Variants in KCNIP4 observed in about 807,000 individuals in gnomAD.
KCNIP4 encodes the protein potassium voltage-gated channel interacting protein 4, also known as Kv channel-interacting protein 4.
Under a neutral mutation model 34.0 loss-of-function variants are expected in KCNIP4, and 12 were observed. The observed-to-expected ratio is 0.35, with a 90% CI of 0.23 to 0.57. The LOEUF is 0.57. Among genes scored for constraint, KCNIP4 ranks in the 20% least tolerant of loss-of-function variants. The pLI is 0.83. For synonymous variants in KCNIP4, 124 were observed against 102.2 expected, an observed-to-expected ratio of 1.21 and a Z score of -1.29; for missense variants, 238 against 311.7, an observed-to-expected ratio of 0.76 and a Z score of 1.78.
intron 1 of KCNIP4, among the ~76,000 whole-genome samples, chr4:21,109,694 G>GTC (rs1560730461): frequency 8.6e-5 from 13 of 151,320 alleles, no homozygotes; most frequent in East Asian, 2.0e-4. Flanking sequence ...TCTTCTGCAT[G>GTC]ACTCACGCTG....
chr4:20,976,437 T>C (rs184401867), intron 1 of KCNIP4, among the ~76,000 whole-genome samples: 29 of 152,336 alleles, frequency 1.9e-4, no homozygotes, highest in Admixed American at 1.1e-3. Context: ...GAGCTAGATA[T>C]TCCACTTATA....
intron 5 of KCNIP4, among the ~76,000 whole-genome samples, chr4:20,748,800 T>G (rs141528787): frequency 1.0e-3 from 150 of 150,066 alleles, no homozygotes; most frequent in African/African-American, 3.3e-3. Context: ...TTGGGTTTAT[T>G]CTCCTAATGT....
chr4:21,668,730 A>G (rs1203117245), intron 1 of KCNIP4, among the ~76,000 whole-genome samples: 1 of 152,224 alleles, frequency 6.6e-6, no homozygotes, highest in Non-Finnish European at 1.5e-5. Flanking sequence ...TTAACATTTT[A>G]TATTTCAGTT....
chr4:21,041,022 GT>G (rs1168167791), intron 1 of KCNIP4, among the ~76,000 whole-genome samples: 1 of 151,062 alleles, frequency 6.6e-6, no homozygotes, highest in African/African-American at 2.4e-5. Context: ...ACTTTTATTG[GT>G]GCAGTTTGTC....
intron 1 of KCNIP4, among the ~76,000 whole-genome samples, chr4:20,981,183 A>T (rs1228358548): frequency 6.6e-6 from 1 of 152,172 alleles, no homozygotes; most frequent in Non-Finnish European, 1.5e-5. Flanking sequence ...ACATTTGGTC[A>T]AAATTCAGTG....
intron 1 of KCNIP4, among the ~76,000 whole-genome samples, chr4:21,243,297 G>A (rs974572310): frequency 2.0e-5 from 3 of 152,056 alleles, no homozygotes. Flanking sequence ...TGCTTCAGTT[G>A]GTACAGAACC....
At chr4:21,008,995 A>T (rs569115481) in intron 1 of KCNIP4, among the ~76,000 whole-genome samples, 10 of 151,534 alleles carry the variant, frequency 6.6e-5, no homozygotes, top group Non-Finnish European at 1.3e-4. Context: ...TGTATTTTGC[A>T]AGCTAACTAT....
chr4:21,235,524 A>G lies in KCNIP4; in HGVS notation c.62-352815T>C, dbSNP rs559973800. Among the ~76,000 whole-genome samples the G allele has an allele frequency of 2.3e-4, 35 of 152,272 alleles. No individual in the cohort carries two copies. In the Middle Eastern group the frequency reaches 0.01, roughly 44 times the overall value. On this transcript the variant is annotated intron_variant, in intron 1 of 8. Transcript: ENST00000382152. ...ATGACTTGCTTCTTCATTGTGTTCA[A>G]GTCCTCATCAAACGTCCCTCCTCAG...
chr4:21,937,610 C>A (rs1257401162), intron 1 of KCNIP4, among the ~76,000 whole-genome samples: 1 of 152,052 alleles, frequency 6.6e-6, no homozygotes, highest in Non-Finnish European at 1.5e-5. Context: ...CTTTGATATC[C>A]AAGAAGCCCT....
intron 1 of KCNIP4, among the ~76,000 whole-genome samples, chr4:21,576,766 T>C (rs1437582872): frequency 1.3e-5 from 2 of 152,160 alleles, no homozygotes; most frequent in Non-Finnish European, 2.9e-5. Context: ...AGTGCTATGA[T>C]AATAATTATC....
At chr4:21,157,142 A>T (rs1186448481) in intron 1 of KCNIP4, among the ~76,000 whole-genome samples, 1 of 152,144 alleles carries the variant, frequency 6.6e-6, no homozygotes. Context: ...TAACATCACC[A>T]GCTTTTTAGG....
At chr4:21,833,401 G>A (rs1723116317) in intron 1 of KCNIP4, among the ~76,000 whole-genome samples, 2 of 152,128 alleles carry the variant, frequency 1.3e-5, no homozygotes. Flanking sequence ...TTTGAGAAGT[G>A]TCTGTTCATG....
chr4:21,792,932 T>A (rs1252482003), intron 1 of KCNIP4, among the ~76,000 whole-genome samples: 1 of 152,174 alleles, frequency 6.6e-6, no homozygotes, highest in Non-Finnish European at 1.5e-5. Context: ...TTCTAAATGC[T>A]CAGAGTATGT....
At chr4:21,642,650 T>A (rs1231367005) in intron 1 of KCNIP4, among the ~76,000 whole-genome samples, 3 of 152,002 alleles carry the variant, frequency 2.0e-5, no homozygotes, top group Non-Finnish European at 4.4e-5. Context: ...GAAGTCTTAG[T>A]TCCAAAGAGA....
chr4:21,318,331 T>C (rs1219559005), intron 1 of KCNIP4, among the ~76,000 whole-genome samples: 1 of 152,192 alleles, frequency 6.6e-6, no homozygotes, highest in Non-Finnish European at 1.5e-5. Context: ...CTTGCTTACA[T>C]TACCTGGAAT....
At chr4:20,881,788 A>G (rs1489721078) in intron 2 of KCNIP4, among the ~76,000 whole-genome samples, 4 of 152,202 alleles carry the variant, frequency 2.6e-5, no homozygotes, top group Non-Finnish European at 5.9e-5. Context: ...TGTGCTTAAC[A>G]TCTATAATCA....
At chr4:20,818,209 C>T (rs140367059) in intron 3 of KCNIP4, among the ~76,000 whole-genome samples, 7 of 152,086 alleles carry the variant, frequency 4.6e-5, no homozygotes, top group South Asian at 2.1e-4. Context: ...GTCTCCAATA[C>T]CAAATAGCTA....
intron 1 of KCNIP4, among the ~76,000 whole-genome samples, chr4:21,366,900 A>T (rs1252268993): frequency 3.3e-5 from 5 of 152,148 alleles, no homozygotes; most frequent in African/African-American, 1.2e-4. Flanking sequence ...CCTAAAACTT[A>T]TATGTTGAAG....
chr4:21,261,702 T>A (rs188133189), intron 1 of KCNIP4, among the ~76,000 whole-genome samples: 1 of 152,266 alleles, frequency 6.6e-6, no homozygotes, highest in East Asian at 1.9e-4. Flanking sequence ...ATACACCTAA[T>A]CTATTAAGTC....
Sources: allele counts gnomAD v4.1 joint callset (sites outside exome capture counted in the v4.1 genomes callset), GRCh38; gene constraint gnomAD v4.1.1; transcripts MANE v1.5; gene names NCBI Gene and HGNC (gene_info 2026-07-23, HGNC 2026-07-21).